The following PCDH11X variants were observed in gnomAD, a reference collection of about 807,000 sequenced individuals.
PCDH11X encodes protocadherin-11 X-linked.
In PCDH11X, 18 loss-of-function variants were observed where a neutral mutation model predicts 53.3. The observed-to-expected ratio is 0.34, with a 90% CI of 0.23 to 0.50. The LOEUF is 0.50. PCDH11X is among the 20% of genes least tolerant of loss of function. The pLI, the probability that PCDH11X is intolerant of heterozygous loss-of-function variation, is 0.98. For missense variants in PCDH11X, 570 were observed against 1,032.4 expected (o/e 0.55, Z 6.14); for synonymous variants, 279 against 393.3 (o/e 0.71, Z 3.44).
chrX:92,286,316 AG>A (rs1285371708), intron 8 of PCDH11X, among the ~76,000 whole-genome samples: 1 of 110,103 alleles, frequency 9.1e-6, no homozygotes, highest in African/African-American at 3.3e-5. Flanking sequence ...CAAATATTCC[AG>A]CATTTCACAG....
chrX:92,143,932 A>T (rs890886379), intron 6 of PCDH11X, among the ~76,000 whole-genome samples: 2 of 111,467 alleles, frequency 1.8e-5, no homozygotes, highest in African/African-American at 6.5e-5. Context: ...ATGGGAACCC[A>T]CCTCTTGCAT....
intron 9 of PCDH11X, among the ~76,000 whole-genome samples, chrX:92,409,880 A>G (rs1362392574): frequency 6.2e-5 from 7 of 112,029 alleles, no homozygotes; most frequent in Admixed American, 3.8e-4. Context: ...ATGCCAAGAA[A>G]TTGCTTCTTT....
chrX:92,364,022 T>C (rs1243601461), intron 8 of PCDH11X, among the ~76,000 whole-genome samples: 3 of 111,711 alleles, frequency 2.7e-5, no homozygotes, highest in Non-Finnish European at 1.9e-5. Flanking sequence ...TACTCAGTCT[T>C]GGTGTGTAAC....
chrX:91,932,347 GAGAA>G (rs1189321738), intron 6 of PCDH11X, among the ~76,000 whole-genome samples: 1 of 106,546 alleles, frequency 9.4e-6, no homozygotes, highest in African/African-American at 3.4e-5. Flanking sequence ...GAGAAATGGT[GAGAA>G]AGAAAGGGGG....
chrX:92,503,784 A>T (rs2074003225), intron 10 of PCDH11X, among the ~76,000 whole-genome samples: 1 of 111,303 alleles, frequency 9.0e-6, no homozygotes, highest in Non-Finnish European at 1.9e-5. Flanking sequence ...TATCTGGGTG[A>T]TGGGATAATC....
intron 9 of PCDH11X, among the ~76,000 whole-genome samples, chrX:92,427,163 GA>G (rs1181944956): frequency 9.0e-6 from 1 of 110,814 alleles, no homozygotes; most frequent in Non-Finnish European, 1.9e-5. Flanking sequence ...GTTGAGAAAG[GA>G]GAATTATTTT....
intron 9 of PCDH11X, chrX:92,460,244 T>G (rs937370598): frequency 1.1e-6 from 1 of 875,794 alleles, no homozygotes; most frequent in Non-Finnish European, 1.7e-6. Flanking sequence ...GACACCAATG[T>G]CACTTGACTG....
chrX:91,989,010 T>C (rs772513197), intron 6 of PCDH11X, among the ~76,000 whole-genome samples: 1 of 110,931 alleles, frequency 9.0e-6, no homozygotes, highest in East Asian at 2.9e-4. Context: ...ACCCAGACTC[T>C]CCATCACCTT....
chrX:92,497,893 T>G (rs2148691671), intron 10 of PCDH11X, among the ~76,000 whole-genome samples: 1 of 111,691 alleles, frequency 9.0e-6, no homozygotes, highest in African/African-American at 3.2e-5. Context: ...TCTGATATGC[T>G]GTCGTAAAGG....
chrX:91,946,591 A>ATATATATT (rs1555969322), intron 6 of PCDH11X, among the ~76,000 whole-genome samples: 9 of 90,087 alleles, frequency 1.0e-4, no homozygotes, highest in African/African-American at 3.3e-4. Flanking sequence ...ATATATATAT[A>ATATATATT]TATATATAGC....
intron 10 of PCDH11X, among the ~76,000 whole-genome samples, chrX:92,612,066 C>A (rs1927452818): frequency 9.1e-6 from 1 of 109,463 alleles, no homozygotes; most frequent in South Asian, 3.9e-4. Flanking sequence ...TTTGTTGTGT[C>A]TTTGCCAGGT....
rs4564049 is a variant in PCDH11X, at chrX:92,405,821, G to A, written c.3343+17888G>A. Among the ~76,000 whole-genome samples the A allele has an allele frequency of 9.7e-3, 1,076 of 111,130 alleles. 24 individuals are homozygous for A. In the East Asian group the frequency reaches 0.12, roughly 12 times the overall value. ...GTTAAAAGCTTTTTCTAGGCCGGGC[G>A]CAGTGGCTCACGCCTGTAATCCCAG... is the stretch of plus-strand genomic sequence containing the variant. On this transcript the variant is annotated intron_variant, in intron 9 of 10. Coordinates refer to ENST00000682573, the MANE Select transcript of PCDH11X (RefSeq NM_032968.5).
At chrX:92,446,067 G>C (rs1475267270) in intron 9 of PCDH11X, among the ~76,000 whole-genome samples, 4 of 108,231 alleles carry the variant, frequency 3.7e-5, no homozygotes, top group Non-Finnish European at 7.6e-5. Context: ...ACCAAAGCCA[G>C]CCCAGATTTT....
intron 6 of PCDH11X, among the ~76,000 whole-genome samples, chrX:92,122,840 G>A (rs767432466): frequency 4.1e-4 from 45 of 110,983 alleles, no homozygotes; most frequent in Non-Finnish European, 3.4e-4. Flanking sequence ...GGGAGGCTGA[G>A]GCAGGAGAGT....
At chrX:92,132,022 A>G (rs2064980673) in intron 6 of PCDH11X, among the ~76,000 whole-genome samples, 1 of 104,955 alleles carries the variant, frequency 9.5e-6, no homozygotes, top group Admixed American at 1.1e-4. Flanking sequence ...CTATAATCCC[A>G]GCACTTTGGG....
At chrX:92,091,979 A>G (rs768730341) in intron 6 of PCDH11X, among the ~76,000 whole-genome samples, 31 of 111,791 alleles carry the variant, frequency 2.8e-4, no homozygotes, top group Admixed American at 3.8e-4. Context: ...TTGCAGGGCC[A>G]TTTCAAGATA....
rs1039434552 is a variant in PCDH11X at position 92,076,004 on chromosome X, G to A, written c.3034-125371G>A. On this transcript the variant is annotated intron_variant, in intron 6 of 10. Transcript: ENST00000682573. ...GGCTGTGGAAAGGTACTTCTTGTTGGTATGCCATGCCTTAATAAGGAAATG... is the reference window on the plus strand; with the variant it reads ...GGCTGTGGAAAGGTACTTCTTGTTGATATGCCATGCCTTAATAAGGAAATG... 2.7e-5 allele frequency among the ~76,000 whole-genome samples: 3 copies of A among 110,193 alleles called. No homozygotes were observed. The Admixed American group carries it at 2.9e-4, about 11-fold the overall frequency.
chrX:91,891,136 T>TA (rs1007731700), intron 6 of PCDH11X, among the ~76,000 whole-genome samples: 4 of 110,091 alleles, frequency 3.6e-5, no homozygotes, highest in Non-Finnish European at 7.6e-5. Flanking sequence ...GCTGTAATTT[T>TA]AAAAAAAGAA....
intron 6 of PCDH11X, among the ~76,000 whole-genome samples, chrX:92,089,524 A>C (rs1400051202): frequency 9.1e-6 from 1 of 109,817 alleles, no homozygotes; most frequent in East Asian, 2.9e-4. Flanking sequence ...ATTATTTTTT[A>C]TTTTTTTTTC....
Sources: allele counts gnomAD v4.1 joint callset (sites outside exome capture counted in the v4.1 genomes callset), GRCh38; gene constraint gnomAD v4.1.1; transcripts MANE v1.5; gene names NCBI Gene and HGNC (gene_info 2026-07-23, HGNC 2026-07-21).